CCAR2: variants seen among roughly 807,000 people sequenced by gnomAD.
CCAR2 encodes cell cycle and apoptosis regulator protein 2.
A neutral mutation model predicts 108.1 loss-of-function variants in CCAR2; 21 were observed. That is an observed-to-expected ratio of 0.19 (90% confidence interval 0.14 to 0.28). CCAR2 has a LOEUF of 0.28. Ranked by LOEUF, CCAR2 falls within the 10% of genes least tolerant of loss-of-function variation. The probability of loss-of-function intolerance (pLI) is 1.00; values close to 1 mark genes in which losing one functional copy is unlikely to be tolerated. For missense variants in CCAR2, 1,126 were observed against 1,177.0 expected (o/e 0.96, Z 0.63); for synonymous variants, 577 against 472.8 (o/e 1.22, Z -2.86).
At chr8:22,614,030 T>TG in intron 8 of CCAR2, 62 bp from the exon 9 acceptor site, 1 of 1,465,004 alleles carries the variant, frequency 6.8e-7, no homozygotes. Flanking sequence ...AAATCTTTGA[T>TG]GGTTTCATTT....
chr8:22,617,530 G>C lies in CCAR2; in HGVS notation c.1956G>C (p.Leu652=), dbSNP rs1293878866. 6.2e-7 allele frequency: 1 copy of C among 1,602,586 alleles called. No homozygotes were observed. Among genetic ancestry groups the C allele is most frequent in the African/African-American group, 1.3e-5 (1 of 74,316 alleles). The change falls in exon 15 of 21, where the codon CTG becomes CTC. Residue 652 remains leucine, a synonymous_variant. Transcript: ENST00000308511. ...GTGAGATGGCCCTGGACCCAGAACTGTTGCTTCTGAGGGATGATGGAGAGG... is the reference window on the plus strand; with the variant it reads ...GTGAGATGGCCCTGGACCCAGAACTCTTGCTTCTGAGGGATGATGGAGAGG... The part of the protein sequence containing the change: ...DLCEMALDPE[L]LLLRDDGEEE...
At chr8:22,607,421 T>C in intron 6 of CCAR2, 96 bp downstream of exon 6, 8 of 1,431,438 alleles carry the variant, frequency 5.6e-6, no homozygotes, top group Non-Finnish European at 7.6e-6. Context: ...AGGTGGGTAC[T>C]TCTATGTACT....
intron 8 of CCAR2, 50 bp from the exon 9 acceptor site, chr8:22,614,042 G>C (rs200842766): frequency 2.6e-5 from 39 of 1,515,702 alleles, no homozygotes; most frequent in Non-Finnish European, 3.3e-5. Context: ...GTTTCATTTC[G>C]AATGTTTTAG....
intron 7 of CCAR2, among the ~76,000 whole-genome samples, chr8:22,610,081 G>A (rs561323378): frequency 2.6e-5 from 4 of 152,258 alleles, no homozygotes; most frequent in Admixed American, 2.0e-4. Flanking sequence ...AACCCAGGAT[G>A]CTTCTGGTCC....
intron 11 of CCAR2, 185 bp from the exon 12 acceptor site, chr8:22,615,240 G>A (rs1801453808): frequency 8.1e-6 from 7 of 864,030 alleles, no homozygotes; most frequent in South Asian, 3.5e-5. Flanking sequence ...GTGTGGTTGC[G>A]GCCTCCCCAC....
In CCAR2 at chr8:22,614,858, AGAG is replaced by A. The variant is rs775326180; in HGVS notation, c.1067_1069del (p.Glu356del). 9 of 1,613,952 alleles carry A rather than the reference AGAG, an allele frequency of 5.6e-6. No individual in the cohort carries two copies. In the African/African-American group the frequency reaches 8.0e-5, roughly 14 times the overall value. ...TGCAGTTTTTGCTGGGCAGGAAAGA[AGAG>A]GAGGCAGTGCTGGTTGGGGGTGAAT... On this transcript the variant is annotated inframe_deletion, in exon 11 of 21. Transcript: ENST00000308511.
At chr8:22,620,803 A>AT (rs1360929655), downstream of CCAR2, 10 of 152,370 alleles carry the variant, frequency 6.6e-5, no homozygotes, top group African/African-American at 2.4e-4. Flanking sequence ...AGACCTGTGA[A>AT]TTCTTGTGGG....
At chr8:22,615,097 T>C in intron 11 of CCAR2, 96 bp downstream of exon 11, 9 of 1,404,398 alleles carry the variant, frequency 6.4e-6, no homozygotes, top group Non-Finnish European at 1.9e-6. Context: ...GCTGGTTAGC[T>C]CTCTGCCCCC....
At chr8:22,621,496 C>T (rs779546029), downstream of CCAR2, 111 of 1,613,814 alleles carry the variant, frequency 6.9e-5, no homozygotes, top group Middle Eastern at 2.1e-3. Flanking sequence ...CGCTGCTCAT[C>T]GGAGTGGCCT....
At chr8:22,605,228 G>C in intron 1 of CCAR2, 1 of 183,602 alleles carries the variant, frequency 5.4e-6, no homozygotes, top group Non-Finnish European at 1.2e-5. Context: ...GGCTTCCGGG[G>C]AGAGGGCCCA....
chr8:22,621,318 G>A, downstream of CCAR2: 2 of 1,428,718 alleles, frequency 1.4e-6, no homozygotes, highest in South Asian at 1.4e-5. Flanking sequence ...AGTGAACCAG[G>A]GCCACCTCTG....
At chr8:22,605,937 A>G in intron 2 of CCAR2, 106 bp downstream of exon 2, 6 of 1,325,434 alleles carry the variant, frequency 4.5e-6, no homozygotes, top group Non-Finnish European at 6.5e-6. Context: ...GTTCCTCTGG[A>G]AAGCAGGAGA....
Position 22,614,111 on chromosome 8 carries a change from G to A in CCAR2, c.724G>A (p.Glu242Lys). 2 of 1,613,892 alleles carry A rather than the reference G, an allele frequency of 1.2e-6. No individual in the cohort carries two copies. Among genetic ancestry groups the A allele is most frequent in the Non-Finnish European group, 1.7e-6 (2 of 1,180,014 alleles). ...CTGTAGCCCCATCTGTGACTTCCTA[G>A]AACTCCAGCGCCGTTACCGCAGCCT... is the stretch of plus-strand genomic sequence containing the variant. ...TVDSPICDFL[E>K]LQRRYRSLLV... is the part of the protein sequence containing the mutation. Residue 242 changes from glutamate to lysine, a missense_variant, in exon 9 of 21, where the codon GAA becomes AAA. Physicochemically the swap from Glu to Lys is moderately conservative, Grantham distance 56. Transcript: ENST00000308511.
chr8:22,617,652 A>AGTT (rs747041016), intron 15 of CCAR2, 44 bp from the exon 16 acceptor site: 3 of 1,613,768 alleles, frequency 1.9e-6, no homozygotes, highest in South Asian at 2.2e-5. Flanking sequence ...TGTACTGTGG[A>AGTT]GTTGGGTGGG....
At chr8:22,609,432 G>T (rs1416537337) in intron 7 of CCAR2, among the ~76,000 whole-genome samples, 1 of 152,216 alleles carries the variant, frequency 6.6e-6, no homozygotes, top group African/African-American at 2.4e-5. Context: ...GATTACAGGT[G>T]TGGGCCACCA....
rs1801037506 is a variant in CCAR2 at position 22,605,566 on chromosome 8, T to G, written c.-38-170T>G. The G allele has an allele frequency of 1.4e-5, 8 of 587,818 alleles. No homozygotes were observed. In the South Asian group the frequency reaches 1.5e-4, roughly 11 times the overall value. The allele number at this position is 587,818 out of a possible 1,614,324, so 36.4% of individuals were successfully genotyped here. ...CAGGGCAAACTGGAACAATGTAATT[T>G]CTTGTTTCATTTCTTTCTTCTCTAT... On this transcript the variant is annotated intron_variant, in intron 1 of 20. Coordinates refer to ENST00000308511, the MANE Select transcript of CCAR2 (RefSeq NM_001393997.1).
chr8:22,621,255 T>G, downstream of CCAR2: 1 of 925,232 alleles, frequency 1.1e-6, no homozygotes, highest in East Asian at 2.7e-5. Flanking sequence ...GCGGCCTGCC[T>G]AGGGCTCCTG....
chr8:22,611,140 T>G (rs1008071891), intron 7 of CCAR2, among the ~76,000 whole-genome samples: 2 of 151,620 alleles, frequency 1.3e-5, no homozygotes, highest in African/African-American at 4.8e-5. Context: ...GCGGGCGGAT[T>G]ACTTGAAGTC....
chr8:22,620,196 G>GAGTC lies in CCAR2; in HGVS notation c.*515_*518dup, dbSNP rs1187895701. 1 of 158,194 alleles carries GAGTC rather than the reference G, an allele frequency of 6.3e-6. No homozygotes were observed. Among genetic ancestry groups the GAGTC allele is most frequent in the Non-Finnish European group, 1.4e-5 (1 of 71,302 alleles). 9.8% of individuals were successfully genotyped at this position (158,194 alleles called of 1,614,324 possible). ...GTCTCCCTTGGCCATCACGGGAATG[G>GAGTC]AGTCCATGCTAGAAAGAGCTCAGTG... On this transcript the variant is annotated 3_prime_UTR_variant, in exon 21 of 21. Transcript: ENST00000308511.
Sources: gnomAD v4.1 joint callset for allele counts (sites outside exome capture counted in the v4.1 genomes callset) on GRCh38, gnomAD v4.1.1 for gene constraint, MANE v1.5 for transcripts, NCBI Gene and HGNC (gene_info 2026-07-23, HGNC 2026-07-21) for gene names.